Variants in GRID2 observed in about 807,000 individuals in gnomAD.
GRID2 encodes the protein glutamate ionotropic receptor delta type subunit 2.
A neutral mutation model predicts 114.8 loss-of-function variants in GRID2; 33 were observed. The ratio of observed to expected loss-of-function variants is 0.29; its 90% CI spans 0.22 to 0.38. GRID2 has a LOEUF of 0.38. Among genes scored for constraint, GRID2 ranks in the 10% least tolerant of loss-of-function variants. The pLI is 1.00. For missense variants in GRID2, 1,184 were observed against 1,257.7 expected (o/e 0.94, Z 0.89); for synonymous variants, 505 against 449.9 (o/e 1.12, Z -1.55).
At chr4:93,102,537 G>A (rs901352447) in intron 3 of GRID2, among the ~76,000 whole-genome samples, 2 of 151,912 alleles carry the variant, frequency 1.3e-5, no homozygotes, top group Non-Finnish European at 2.9e-5. Flanking sequence ...AGTAGAGTCA[G>A]TACTATCCCT....
intron 12 of GRID2, among the ~76,000 whole-genome samples, chr4:93,494,834 GACTA>G (rs1727376914): frequency 6.6e-6 from 1 of 151,666 alleles, no homozygotes; most frequent in Non-Finnish European, 1.5e-5. Context: ...TTGATAACTA[GACTA>G]ATAGTGGCAA....
rs1296013473 is a variant in GRID2, at chr4:92,420,679, T to TTTTTG, written c.88+115954_88+115958dup. On this transcript the variant is annotated intron_variant, in intron 1 of 15. Coordinates refer to ENST00000282020, the MANE Select transcript of GRID2 (RefSeq NM_001510.4). The stretch of plus-strand genomic sequence containing the variant: ...ATGGACATCACCCACACTGAAATGT[T>TTTTTG]TTTTGTTTTGTTTTGTTTTGTTTGA... Among the ~76,000 whole-genome samples, 67 of 152,136 alleles carry TTTTTG rather than the reference T, an allele frequency of 4.4e-4. 1 individual carries two copies. Among genetic ancestry groups the TTTTTG allele is most frequent in the Middle Eastern group, 3.4e-3 (1 of 294 alleles).
At chr4:93,316,882 GT>G (rs1357580012) in intron 8 of GRID2, among the ~76,000 whole-genome samples, 1 of 152,056 alleles carries the variant, frequency 6.6e-6, no homozygotes, top group African/African-American at 2.4e-5. Context: ...ATTTAAATAT[GT>G]TCTTAATCAA....
intron 12 of GRID2, among the ~76,000 whole-genome samples, chr4:93,509,275 A>G (rs372225574): frequency 1.3e-5 from 2 of 152,170 alleles, no homozygotes; most frequent in African/African-American, 4.8e-5. Context: ...AAAGATGGTG[A>G]CAGATTTACA....
At chr4:92,851,411 G>A (rs1008504145) in intron 2 of GRID2, among the ~76,000 whole-genome samples, 1 of 151,876 alleles carries the variant, frequency 6.6e-6, no homozygotes, top group Non-Finnish European at 1.5e-5. Flanking sequence ...AAATCATTGA[G>A]AGGGTTCAGT....
chr4:92,792,457 ACAC>A (rs1739637486), intron 2 of GRID2, among the ~76,000 whole-genome samples: 1 of 1,864 alleles, frequency 5.4e-4, no homozygotes, highest in Non-Finnish European at 1.4e-3. Flanking sequence ...AGGCAAGAGA[ACAC>A]ACACACACAC....
At chr4:92,857,459 G>C (rs1744253093) in intron 2 of GRID2, among the ~76,000 whole-genome samples, 1 of 152,170 alleles carries the variant, frequency 6.6e-6, no homozygotes, top group Non-Finnish European at 1.5e-5. Flanking sequence ...TGCTGATATA[G>C]AGAAAGTTTT....
intron 2 of GRID2, among the ~76,000 whole-genome samples, chr4:92,902,611 T>C (rs1448181638): frequency 6.6e-6 from 1 of 152,106 alleles, no homozygotes; most frequent in Non-Finnish European, 1.5e-5. Context: ...TTTTCTAGTA[T>C]TTTTATAGTT....
chr4:92,480,998 C>G (rs933211129), intron 1 of GRID2, among the ~76,000 whole-genome samples: 6 of 152,064 alleles, frequency 3.9e-5, no homozygotes, highest in Non-Finnish European at 8.8e-5. Flanking sequence ...CGTGAGGTTT[C>G]TATGCTCTAC....
intron 4 of GRID2, among the ~76,000 whole-genome samples, chr4:93,141,383 G>A (rs1735753581): frequency 6.6e-6 from 1 of 152,094 alleles, no homozygotes; most frequent in Admixed American, 6.5e-5. Context: ...GCTTGATAAA[G>A]TGGATCCTAG....
chr4:93,729,119 A>T (rs1457796305), intron 14 of GRID2, among the ~76,000 whole-genome samples: 1 of 152,040 alleles, frequency 6.6e-6, no homozygotes, highest in Non-Finnish European at 1.5e-5. Flanking sequence ...GCTGATCTTG[A>T]ACTCCTGACC....
chr4:93,461,365 A>C (rs1157269281), intron 11 of GRID2, among the ~76,000 whole-genome samples: 1 of 152,120 alleles, frequency 6.6e-6, no homozygotes, highest in Non-Finnish European at 1.5e-5. Flanking sequence ...GAATAAATCA[A>C]TGACAGTGTC....
intron 2 of GRID2, among the ~76,000 whole-genome samples, chr4:92,888,828 G>A (rs943607817): frequency 6.7e-6 from 1 of 149,558 alleles, no homozygotes; most frequent in Non-Finnish European, 1.5e-5. Context: ...TCTTTTTAAT[G>A]CAAATAAAGC....
At chr4:93,444,407 C>A (rs1438160928) in intron 10 of GRID2, among the ~76,000 whole-genome samples, 2 of 151,948 alleles carry the variant, frequency 1.3e-5, no homozygotes, top group Non-Finnish European at 2.9e-5. Context: ...AGGCTTATCA[C>A]ACATAAACTA....
chr4:93,679,215 C>G (rs1725249142), intron 14 of GRID2, among the ~76,000 whole-genome samples: 1 of 151,294 alleles, frequency 6.6e-6, no homozygotes, highest in Admixed American at 6.6e-5. Flanking sequence ...ATCAATTCAA[C>G]AGGAAGAGCT....
At chr4:92,810,712 G>A (rs1185963558) in intron 2 of GRID2, among the ~76,000 whole-genome samples, 1 of 151,956 alleles carries the variant, frequency 6.6e-6, no homozygotes, top group Admixed American at 6.6e-5. Flanking sequence ...AACTACTTTT[G>A]TAAAATACAT....
In GRID2 at chr4:93,422,987, A is replaced by G. The variant is rs746357571; in HGVS notation, c.1545+19A>G. On this transcript the variant is annotated intron_variant, in intron 10 of 15. Coordinates refer to ENST00000282020, the MANE Select transcript of GRID2 (RefSeq NM_001510.4). ...CTTTAAGGTAAGAATTACTTTATTT[A>G]TTTGTCTCATACTTAAAGGTTCAAT... The G allele has an allele frequency of 6.6e-6, 10 of 1,506,200 alleles. No individual in the cohort carries two copies. The highest frequency in any genetic ancestry group is 9.2e-6 in the Non-Finnish European group (10 of 1,082,136). The allele number at this position is 1,506,200 out of a possible 1,614,324, so 93.3% of individuals were successfully genotyped here.
chr4:92,380,788 A>T (rs952122346), intron 1 of GRID2, among the ~76,000 whole-genome samples: 1 of 152,022 alleles, frequency 6.6e-6, no homozygotes. Flanking sequence ...TCTGAAAATT[A>T]GTTGGTCTTA....
chr4:93,629,437 C>T (rs1446871934), intron 14 of GRID2, among the ~76,000 whole-genome samples: 1 of 152,122 alleles, frequency 6.6e-6, no homozygotes, highest in East Asian at 1.9e-4. Context: ...ACATGTGCCA[C>T]ATTAATTTAT....
Sources: allele counts gnomAD v4.1 joint callset (sites outside exome capture counted in the v4.1 genomes callset), GRCh38; gene constraint gnomAD v4.1.1; transcripts MANE v1.5; gene names NCBI Gene and HGNC (gene_info 2026-07-23, HGNC 2026-07-21).